The following VANGL1 variants were observed in gnomAD, a reference collection of about 807,000 sequenced individuals.
The protein encoded by VANGL1 is vang-like protein 1.
Under a neutral mutation model 48.4 loss-of-function variants are expected in VANGL1, and 18 were observed. That is an observed-to-expected ratio of 0.37 (90% CI 0.26 to 0.55). The LOEUF is 0.55. Among genes scored for constraint, VANGL1 ranks in the 20% least tolerant of loss-of-function variants. VANGL1 has a pLI of 0.81. For missense variants in VANGL1, 667 were observed against 675.8 expected (o/e 0.99, Z 0.14); for synonymous variants, 257 against 261.8 (o/e 0.98, Z 0.18).
chr1:115,642,303 CTT>C (rs1253226727), intron 1 of VANGL1, among the ~76,000 whole-genome samples: 2 of 152,002 alleles, frequency 1.3e-5, no homozygotes, highest in Admixed American at 6.5e-5. Flanking sequence ...TGACTCCACT[CTT>C]CTCCCCATGC....
intron 3 of VANGL1, among the ~76,000 whole-genome samples, chr1:115,661,558 C>T (rs1399157897): frequency 1.4e-5 from 2 of 144,590 alleles, no homozygotes; most frequent in Non-Finnish European, 3.0e-5. Context: ...TCCATTGTAT[C>T]AGTCTACCAC....
In VANGL1 at chr1:115,697,591, C is replaced by T. The variant is rs3811006; in HGVS notation, c.*6212C>T. 25,187 of 152,154 alleles carry T rather than the reference C, an allele frequency of 0.17. 2,242 individuals are homozygous for T. The highest frequency in any genetic ancestry group is 0.23 in the African/African-American group (9,655 of 41,484). 9.4% of individuals were successfully genotyped at this position (152,154 alleles called of 1,614,324 possible). A position where few individuals can be genotyped will look rare whatever the true frequency, so the allele number is the denominator to read the frequency against. On this transcript the variant is annotated 3_prime_UTR_variant, in exon 8 of 8. Coordinates refer to ENST00000355485, the MANE Select transcript of VANGL1 (RefSeq NM_138959.3). ...CTCACATTATAGATGACCCCTTCCTCAACAGAAATGCTACTGAGAGAACCA... is the reference window on the plus strand; with the variant it reads ...CTCACATTATAGATGACCCCTTCCTTAACAGAAATGCTACTGAGAGAACCA...
chr1:115,655,232 T>C (rs930027120), intron 2 of VANGL1, among the ~76,000 whole-genome samples: 3 of 152,128 alleles, frequency 2.0e-5, no homozygotes, highest in African/African-American at 7.2e-5. Context: ...GAGTAACCGG[T>C]GGGGCCAGCT....
Position 115,691,297 on chromosome 1 carries a change from C to T in VANGL1, c.1493C>T (p.Pro498Leu). 6.2e-7 allele frequency: 1 copy of T among 1,614,122 alleles called. No individual in the cohort carries two copies. Among genetic ancestry groups the T allele is most frequent in the Non-Finnish European group, 8.5e-7 (1 of 1,180,026 alleles). ...FSLVVNVKKI[P>L]FIILSEEFID... ...CTCGTAGTCAATGTGAAGAAAATTCCATTCATCATACTCTCTGAAGAGTTC... is the reference window on the plus strand; with the variant it reads ...CTCGTAGTCAATGTGAAGAAAATTCTATTCATCATACTCTCTGAAGAGTTC... Residue 498 changes from proline (P) to leucine (L), a missense_variant, in exon 8 of 8, where the codon CCA (proline) becomes CTA (leucine). Physicochemically the swap from Pro to Leu is moderately conservative, Grantham distance 98. Coordinates refer to ENST00000355485, the MANE Select transcript of VANGL1 (RefSeq NM_138959.3).
chr1:115,684,132 AT>A, intron 6 of VANGL1, 56 bp downstream of exon 6: 1 of 1,288,526 alleles, frequency 7.8e-7, no homozygotes, highest in Non-Finnish European at 1.0e-6. Flanking sequence ...TTTTTATTTT[AT>A]TTATTTATTT....
chr1:115,668,887 A>G (rs1197705172), intron 4 of VANGL1, among the ~76,000 whole-genome samples: 1 of 152,202 alleles, frequency 6.6e-6, no homozygotes, highest in Non-Finnish European at 1.5e-5. Context: ...GAACTGTCCC[A>G]GTAGTATTTC....
At chr1:115,651,076 G>A (rs545971427) in intron 1 of VANGL1, among the ~76,000 whole-genome samples, 4 of 152,086 alleles carry the variant, frequency 2.6e-5, no homozygotes, top group South Asian at 2.1e-4. Context: ...CTTGCTCAGC[G>A]CCTATCCTGT....
chr1:115,644,911 C>A (rs1386875469), intron 1 of VANGL1, among the ~76,000 whole-genome samples: 1 of 152,172 alleles, frequency 6.6e-6, no homozygotes, highest in African/African-American at 2.4e-5. Flanking sequence ...TTGACATTTT[C>A]TTTCCTTGTA....
intron 4 of VANGL1, among the ~76,000 whole-genome samples, chr1:115,670,499 A>C (rs1183211749): frequency 6.6e-6 from 1 of 152,188 alleles, no homozygotes; most frequent in Non-Finnish European, 1.5e-5. Flanking sequence ...AGGGATGTTA[A>C]AGTTACTCCA....
At position 115,661,219 on chromosome 1, in the gene VANGL1, A is replaced by G. The variant is rs141543339; in HGVS notation, c.204+1446A>G. 3.7e-3 allele frequency among the ~76,000 whole-genome samples: 570 copies of G among 152,282 alleles called. 4 individuals carry two copies. Among genetic ancestry groups the G allele is most frequent in the African/African-American group, 0.013 (553 of 41,558 alleles). Reference sequence around the variant, plus strand: ...AAAATCTAGGGGTTTTGATGAAAGCATCTTAGGTGCTTTTTCTTCTAAGAA... The same window carrying G: ...AAAATCTAGGGGTTTTGATGAAAGCGTCTTAGGTGCTTTTTCTTCTAAGAA... On this transcript the variant is annotated intron_variant, in intron 3 of 7. Coordinates refer to ENST00000355485, the MANE Select transcript of VANGL1 (RefSeq NM_138959.3).
Position 115,693,802 on chromosome 1 carries a change from A to G in VANGL1, c.*2423A>G, listed in dbSNP as rs1000307752. ...AGAAAGCTGCATCCCACAATTGAAC[A>G]CAATGCATTTTTATTTCAATTCTTG... On this transcript the variant is annotated 3_prime_UTR_variant, in exon 8 of 8. Transcript: ENST00000355485. 5.9e-5 allele frequency: 9 copies of G among 152,236 alleles called. No homozygotes were observed. The highest frequency in any genetic ancestry group is 2.2e-4 in the African/African-American group (9 of 41,470). 9.4% of individuals were successfully genotyped at this position (152,236 alleles called of 1,614,324 possible). A position where few individuals can be genotyped will look rare whatever the true frequency, so the allele number is the denominator to read the frequency against.
intron 4 of VANGL1, among the ~76,000 whole-genome samples, chr1:115,675,025 G>T (rs1025055383): frequency 6.6e-6 from 1 of 152,052 alleles, no homozygotes; most frequent in Non-Finnish European, 1.5e-5. Context: ...GTTAAAATGG[G>T]GGTGGTTTAT....
At chr1:115,662,318 G>C (rs1462577571) in intron 3 of VANGL1, among the ~76,000 whole-genome samples, 1 of 152,042 alleles carries the variant, frequency 6.6e-6, no homozygotes, top group Non-Finnish European at 1.5e-5. Flanking sequence ...TTTCTAAGTT[G>C]GTGTCCTAAT....
At chr1:115,662,363 T>C (rs1303861227) in intron 3 of VANGL1, among the ~76,000 whole-genome samples, 1 of 152,244 alleles carries the variant, frequency 6.6e-6, no homozygotes, top group Non-Finnish European at 1.5e-5. Flanking sequence ...GACTGTTTTC[T>C]TTCCGAGTGA....
chr1:115,648,414 T>C (rs1037530962), intron 1 of VANGL1, among the ~76,000 whole-genome samples: 12 of 152,050 alleles, frequency 7.9e-5, no homozygotes, highest in African/African-American at 2.2e-4. Flanking sequence ...GAAGGAACCA[T>C]GGGAGGGAAA....
chr1:115,660,288 G>C (rs964814329), intron 3 of VANGL1, among the ~76,000 whole-genome samples: 2 of 152,172 alleles, frequency 1.3e-5, no homozygotes, highest in Non-Finnish European at 2.9e-5. Context: ...ACAGCAATCT[G>C]TGCAGTGCCT....
chr1:115,658,998 C>T (rs1652448460), intron 2 of VANGL1, among the ~76,000 whole-genome samples: 1 of 152,108 alleles, frequency 6.6e-6, no homozygotes, highest in African/African-American at 2.4e-5. Context: ...CTCCACCCCT[C>T]TTGGTGTCTT....
At chr1:115,654,451 T>G (rs145498764) in intron 2 of VANGL1, among the ~76,000 whole-genome samples, 2 of 141,086 alleles carry the variant, frequency 1.4e-5, no homozygotes, top group African/African-American at 2.8e-5. Flanking sequence ...TTTGTCATTG[T>G]GGTGTGGATG....
chr1:115,689,887 C>T lies in VANGL1; in HGVS notation c.1315-1232C>T, dbSNP rs1209285544. Among the ~76,000 whole-genome samples, 4 of 137,974 alleles carry T rather than the reference C, an allele frequency of 2.9e-5. 2 individuals carry two copies. Among genetic ancestry groups the T allele is most frequent in the South Asian group, 4.8e-4 (2 of 4,130 alleles). 90.5% of individuals were successfully genotyped at this position (137,974 alleles called of 152,430 possible). On this transcript the variant is annotated intron_variant, in intron 7 of 7. Coordinates refer to ENST00000355485, the MANE Select transcript of VANGL1 (RefSeq NM_138959.3). ...AAGAGAATCACTTGAACCCGGGAGG[C>T]GGAGCTTGCAGTGAGCCGAGATTCT...
Sources: allele counts gnomAD v4.1 joint callset (sites outside exome capture counted in the v4.1 genomes callset), GRCh38; gene constraint gnomAD v4.1.1; transcripts MANE v1.5; gene names NCBI Gene and HGNC (gene_info 2026-07-23, HGNC 2026-07-21).